Variants in AP4S1 observed in about 807,000 individuals in gnomAD.
AP4S1 encodes AP-4 complex subunit sigma-1.
Under a neutral mutation model 19.8 loss-of-function variants are expected in AP4S1, and 23 were observed. The observed-to-expected ratio is 1.16, with a 90% CI of 0.84 to 1.65. The LOEUF is 1.65. Among genes scored for constraint, AP4S1 ranks in the 40% most tolerant of loss-of-function variants. The pLI is 0.00. For synonymous variants in AP4S1, 46 were observed against 54.1 expected, an observed-to-expected ratio of 0.85 and a Z score of 0.66; for missense variants, 166 against 172.8, an observed-to-expected ratio of 0.96 and a Z score of 0.22.
At chr14:31,087,127 C>T (rs1392516116) in intron 5 of AP4S1, among the ~76,000 whole-genome samples, 2 of 152,126 alleles carry the variant, frequency 1.3e-5, no homozygotes, top group South Asian at 2.1e-4. Context: ...GTCTTGAACT[C>T]TGGAGCTCAA....
intron 4 of AP4S1, chr14:31,073,183 T>TG: frequency 4.1e-6 from 2 of 493,604 alleles, no homozygotes; most frequent in Non-Finnish European, 7.1e-6. Flanking sequence ...TATAAAGAAC[T>TG]GGAAAAAAAA....
chr14:31,070,037 C>CA, intron 3 of AP4S1, 108 bp downstream of exon 3: 2 of 917,208 alleles, frequency 2.2e-6, no homozygotes, highest in South Asian at 1.3e-5. Context: ...GCCCTGTCAC[C>CA]AGTCTGGAGT....
At chr14:31,059,930 A>AT (rs1555332200) in intron 1 of AP4S1, among the ~76,000 whole-genome samples, 2 of 146,910 alleles carry the variant, frequency 1.4e-5, no homozygotes, top group East Asian at 2.0e-4. Flanking sequence ...AGGACAAAAA[A>AT]ATATATATAT....
At chr14:31,026,007 G>A (rs747184947) in intron 1 of AP4S1, 8 of 1,551,864 alleles carry the variant, frequency 5.2e-6, no homozygotes, top group Non-Finnish European at 7.0e-6. Flanking sequence ...GTACTGCTGC[G>A]GCCGGGACAG....
chr14:31,056,588 A>C (rs1594665166), intron 1 of AP4S1, among the ~76,000 whole-genome samples: 1 of 151,960 alleles, frequency 6.6e-6, no homozygotes, highest in Admixed American at 6.6e-5. Context: ...CGAACTCCTG[A>C]CCTCAGGTTA....
At chr14:31,055,866 C>T (rs898776422) in intron 1 of AP4S1, among the ~76,000 whole-genome samples, 13 of 148,176 alleles carry the variant, frequency 8.8e-5, no homozygotes, top group South Asian at 2.1e-4. Context: ...TTTTTTGAGA[C>T]GGAGTCTCAC....
chr14:31,045,936 C>T (rs1338767440), intron 1 of AP4S1, among the ~76,000 whole-genome samples: 1 of 151,194 alleles, frequency 6.6e-6, no homozygotes, highest in African/African-American at 2.4e-5. Flanking sequence ...CACCCTCCAG[C>T]CTCCAGGAAA....
At chr14:31,072,375 C>G (rs557084399) in intron 3 of AP4S1, among the ~76,000 whole-genome samples, 1 of 152,054 alleles carries the variant, frequency 6.6e-6, no homozygotes, top group African/African-American at 2.4e-5. Context: ...TCACGCATGG[C>G]CTTTTTGTTT....
At position 31,084,758 on chromosome 14, in the gene AP4S1, G is replaced by T. The variant is rs1382668684; in HGVS notation, c.306+4174G>T. On this transcript the variant is annotated intron_variant, in intron 5 of 5. Transcript: ENST00000542754. ...GACTTCAAATTTTATGAATTAAGGT[G>T]TTTTTTTTAGGAACCAATTGATGAA... is the stretch of plus-strand genomic sequence containing the variant. 3.7e-6 allele frequency: 6 copies of T among 1,613,336 alleles called. No individual in the cohort carries two copies. The East Asian group carries it at 1.1e-4, about 30-fold the overall frequency.
intron 5 of AP4S1, chr14:31,086,123 A>T (rs561148333): frequency 2.6e-5 from 4 of 152,392 alleles, no homozygotes; most frequent in African/African-American, 9.6e-5. Context: ...ATACTTTTAG[A>T]GATCCGGAAA....
At chr14:31,079,138 A>G (rs539895493) in intron 4 of AP4S1, among the ~76,000 whole-genome samples, 6 of 152,322 alleles carry the variant, frequency 3.9e-5, no homozygotes, top group Admixed American at 2.0e-4. Context: ...AAGAAGTGGT[A>G]TCAGGGGATT....
intron 5 of AP4S1, among the ~76,000 whole-genome samples, chr14:31,089,763 A>G (rs1490657482): frequency 1.3e-5 from 2 of 152,050 alleles, no homozygotes; most frequent in African/African-American, 2.4e-5. Flanking sequence ...CTAAAGATAC[A>G]AAAAAACTAG....
At chr14:31,036,811 C>A (rs1022998866) in intron 1 of AP4S1, among the ~76,000 whole-genome samples, 1 of 151,894 alleles carries the variant, frequency 6.6e-6, no homozygotes, top group Non-Finnish European at 1.5e-5. Flanking sequence ...GCTCTCAAGT[C>A]CTCTTTTTCT....
intron 1 of AP4S1, among the ~76,000 whole-genome samples, chr14:31,061,842 A>C (rs1182568311): frequency 6.6e-6 from 1 of 151,948 alleles, no homozygotes; most frequent in Non-Finnish European, 1.5e-5. Flanking sequence ...GGGTTTCACC[A>C]TGTTGGTTAG....
chr14:31,035,976 C>A (rs568919441), intron 1 of AP4S1, among the ~76,000 whole-genome samples: 1 of 152,034 alleles, frequency 6.6e-6, no homozygotes, highest in African/African-American at 2.4e-5. Context: ...GTGATCCGCC[C>A]GCCTTGGCCT....
At chr14:31,069,312 G>C (rs1006424825) in intron 2 of AP4S1, among the ~76,000 whole-genome samples, 13 of 152,106 alleles carry the variant, frequency 8.5e-5, no homozygotes, top group Non-Finnish European at 1.3e-4. Context: ...CACAAAGAAG[G>C]CATCTTTAAA....
chr14:31,076,273 G>A (rs1887357792), intron 4 of AP4S1, among the ~76,000 whole-genome samples: 1 of 152,172 alleles, frequency 6.6e-6, no homozygotes, highest in South Asian at 2.1e-4. Context: ...CCCATCAGGA[G>A]TGCATGAGGG....
chr14:31,049,428 A>AAATATATATATATATATAT (rs1384450221), intron 1 of AP4S1, among the ~76,000 whole-genome samples: 1 of 57,768 alleles, frequency 1.7e-5, no homozygotes, highest in African/African-American at 7.9e-5. Flanking sequence ...AAAAAAAAAA[A>AAATATATATATATATATAT]ATATATATAT....
At chr14:31,076,702 G>T (rs1887377093) in intron 4 of AP4S1, among the ~76,000 whole-genome samples, 1 of 151,962 alleles carries the variant, frequency 6.6e-6, no homozygotes. Context: ...AAATCAATTG[G>T]CCATAAATGT....
Sources: gnomAD v4.1 joint callset for allele counts (sites outside exome capture counted in the v4.1 genomes callset) on GRCh38, gnomAD v4.1.1 for gene constraint, MANE v1.5 for transcripts, NCBI Gene and HGNC (gene_info 2026-07-23, HGNC 2026-07-21) for gene names.